ZNF821: variants seen among roughly 807,000 people sequenced by gnomAD.
The protein encoded by ZNF821 is zinc finger protein 821.
Under a neutral mutation model 44.3 loss-of-function variants are expected in ZNF821, and 16 were observed. The observed-to-expected ratio is 0.36, with a 90% CI of 0.24 to 0.55. ZNF821 has a LOEUF of 0.55. Among genes scored for constraint, ZNF821 ranks in the 20% least tolerant of loss-of-function variants. The pLI is 0.86. For synonymous variants in ZNF821, 204 were observed against 197.6 expected (o/e 1.03, Z -0.27); for missense variants, 436 against 547.6 (o/e 0.80, Z 2.03).
chr16:71,877,919 CA>C (rs911843555), intron 3 of ZNF821, among the ~76,000 whole-genome samples: 2 of 139,438 alleles, frequency 1.4e-5, no homozygotes, highest in African/African-American at 2.6e-5. Flanking sequence ...CACCTCATCT[CA>C]AAAAAAAATT....
chr16:71,894,149 C>A (rs1227563846), intron 1 of ZNF821: 1 of 152,182 alleles, frequency 6.6e-6, no homozygotes, highest in African/African-American at 2.4e-5. Flanking sequence ...TTCACATCAA[C>A]ATCTTATGAT....
upstream of ZNF821, chr16:71,884,312 A>T (rs975866147): frequency 2.6e-5 from 4 of 151,566 alleles, no homozygotes; most frequent in African/African-American, 9.7e-5. Context: ...TCTGGAGAGG[A>T]GGGGCTCCGG....
At chr16:71,874,493 G>A (rs1018049065) in intron 3 of ZNF821, among the ~76,000 whole-genome samples, 17 of 151,962 alleles carry the variant, frequency 1.1e-4, no homozygotes, top group Non-Finnish European at 2.1e-4. Flanking sequence ...TCATTCTGTC[G>A]TCCAGGCTGG....
intron 3 of ZNF821, among the ~76,000 whole-genome samples, chr16:71,877,110 T>C (rs2035905996): frequency 6.6e-6 from 1 of 152,190 alleles, no homozygotes; most frequent in Non-Finnish European, 1.5e-5. Flanking sequence ...GAAGAAAGAA[T>C]TTTATATGGA....
chr16:71,891,699 C>T (rs932978316), intron 1 of ZNF821, among the ~76,000 whole-genome samples: 1 of 152,164 alleles, frequency 6.6e-6, no homozygotes, highest in East Asian at 1.9e-4. Flanking sequence ...CATGGTGAAA[C>T]CTCATCACTA....
chr16:71,878,095 T>C (rs950546661), intron 3 of ZNF821, among the ~76,000 whole-genome samples: 6 of 143,520 alleles, frequency 4.2e-5, no homozygotes, highest in Non-Finnish European at 6.0e-5. Flanking sequence ...CAGTTCATAA[T>C]AATAGGGAAC....
exon 1 of ZNF821, chr16:71,894,936 C>T (rs1008516520): frequency 1.9e-6 from 2 of 1,032,876 alleles, no homozygotes; most frequent in African/African-American, 3.2e-5. Context: ...TGAGGAAACA[C>T]TACTGAATTA....
At chr16:71,876,895 G>A (rs1329672867) in intron 3 of ZNF821, among the ~76,000 whole-genome samples, 6 of 152,056 alleles carry the variant, frequency 3.9e-5, no homozygotes, top group Admixed American at 3.3e-4. Flanking sequence ...ATGAGCCACC[G>A]AGCTCGGCTA....
chr16:71,878,442 T>C (rs1254232519), intron 3 of ZNF821, among the ~76,000 whole-genome samples: 1 of 151,994 alleles, frequency 6.6e-6, no homozygotes, highest in Admixed American at 6.6e-5. Flanking sequence ...AACGAACATT[T>C]GGGTGGGAAC....
intron 3 of ZNF821, among the ~76,000 whole-genome samples, chr16:71,868,278 TC>T (rs1391295491): frequency 3.9e-5 from 6 of 152,330 alleles, no homozygotes; most frequent in East Asian, 1.9e-4. Flanking sequence ...TAGTCTTGAC[TC>T]CTTTCAAAAG....
intron 1 of ZNF821, among the ~76,000 whole-genome samples, chr16:71,892,727 A>G (rs555433562): frequency 1.0e-4 from 15 of 144,914 alleles, no homozygotes; most frequent in Middle Eastern, 3.8e-3. Context: ...ACGAGCCACA[A>G]ACCAGGCTTT....
chr16:71,888,723 CTA>C (rs2036871123), upstream of ZNF821, among the ~76,000 whole-genome samples: 1 of 152,006 alleles, frequency 6.6e-6, no homozygotes, highest in South Asian at 2.1e-4. Flanking sequence ...TATTTAGAAT[CTA>C]GAGTTACAAG....
At chr16:71,864,488 CAG>C (rs1567408650) in intron 5 of ZNF821, among the ~76,000 whole-genome samples, 28 of 152,206 alleles carry the variant, frequency 1.8e-4, no homozygotes, top group East Asian at 1.9e-4. Flanking sequence ...ACTCTGCAGA[CAG>C]GGGTAGCGTT....
intron 1 of ZNF821, 196 bp downstream of exon 1, chr16:71,883,712 G>C (rs934917520): frequency 6.6e-6 from 1 of 152,306 alleles, no homozygotes; most frequent in Non-Finnish European, 1.5e-5. Flanking sequence ...AGCGCCAAGG[G>C]GCAGCAGGAG....
At chr16:71,894,831 G>A (rs1462636331) in intron 1 of ZNF821, 12 of 1,534,290 alleles carry the variant, frequency 7.8e-6, no homozygotes, top group African/African-American at 1.4e-5. Context: ...CTTAAGCAGC[G>A]ATAATGGTTT....
At chr16:71,888,643 T>A (rs536684390), upstream of ZNF821, among the ~76,000 whole-genome samples, 29 of 152,320 alleles carry the variant, frequency 1.9e-4, no homozygotes, top group African/African-American at 5.8e-4. Flanking sequence ...TGCCTATCCT[T>A]ATGCCACTAT....
upstream of ZNF821, chr16:71,884,512 C>T (rs1162920994): frequency 6.6e-6 from 1 of 152,458 alleles, no homozygotes; most frequent in African/African-American, 2.4e-5. Flanking sequence ...TCGAGTTCAG[C>T]CACAAAACCC....
intron 1 of ZNF821, among the ~76,000 whole-genome samples, chr16:71,893,029 C>CTTTTTTTTTTTTTTTT (rs1199482590): frequency 9.1e-5 from 6 of 65,918 alleles, no homozygotes; most frequent in African/African-American, 1.2e-4. Flanking sequence ...CCCTGCCTGG[C>CTTTTTTTTTTTTTTTT]TTTTTTTTTT....
At chr16:71,879,019 C>T (rs1014223756) in intron 3 of ZNF821, among the ~76,000 whole-genome samples, 1 of 152,118 alleles carries the variant, frequency 6.6e-6, no homozygotes, top group Non-Finnish European at 1.5e-5. Context: ...TTTCTAGCCT[C>T]TCCCTCTTGT....
Sources: gnomAD v4.1 joint callset for allele counts (sites outside exome capture counted in the v4.1 genomes callset) on GRCh38, gnomAD v4.1.1 for gene constraint, MANE v1.5 for transcripts, NCBI Gene and HGNC (gene_info 2026-07-23, HGNC 2026-07-21) for gene names.